TACR2: variants seen among roughly 807,000 people sequenced by gnomAD.
The protein encoded by TACR2 is tachykinin receptor 2.
In TACR2, 24 loss-of-function variants were observed where a neutral mutation model predicts 28.9. The observed-to-expected ratio is 0.83, with a 90% CI of 0.60 to 1.17. The LOEUF (loss-of-function observed/expected upper bound fraction) is 1.17. Ranked by LOEUF, TACR2 falls within the 50% of genes most tolerant of loss-of-function variation. TACR2 has a pLI of 0.00. For synonymous variants in TACR2, 222 were observed against 212.6 expected, an observed-to-expected ratio of 1.04 and a Z score of -0.38; for missense variants, 487 against 524.4, an observed-to-expected ratio of 0.93 and a Z score of 0.70.
At chr10:69,408,884 A>C in intron 3 of TACR2, 38 bp downstream of exon 3, 3 of 25,192 alleles carry the variant, frequency 1.2e-4, no homozygotes, top group Non-Finnish European at 1.9e-4. Flanking sequence ...CGCCCCCTCC[A>C]GGCCCCGCCC....
chr10:69,412,570 C>T (rs185030334), intron 2 of TACR2, among the ~76,000 whole-genome samples: 1 of 152,276 alleles, frequency 6.6e-6, no homozygotes, highest in East Asian at 1.9e-4. Context: ...ACCAAATTTC[C>T]CCTTTTCTGA....
Position 69,416,211 on chromosome 10 carries a change from G to T in TACR2, c.113C>A (p.Thr38Lys), listed in dbSNP as rs1840617653. The T allele has an allele frequency of 6.2e-7, 1 of 1,614,190 alleles. No individual in the cohort carries two copies. Among genetic ancestry groups the T allele is most frequent in the Non-Finnish European group, 8.5e-7 (1 of 1,180,032 alleles). Residue 38 changes from threonine to lysine, a missense_variant, in exon 1 of 5, where the codon ACA (threonine) becomes AAA (lysine). By Grantham distance (78) the Thr-to-Lys change is moderately conservative. Coordinates refer to ENST00000373306, the MANE Select transcript of TACR2 (RefSeq NM_001057.3). ...CACCAGCACCAGGGCCAGGTAGGCTGTGGCCCACAGTGCCAGTTGCCAGCT... is the reference window on the plus strand; with the variant it reads ...CACCAGCACCAGGGCCAGGTAGGCTTTGGCCCACAGTGCCAGTTGCCAGCT... Reference protein sequence around the residue: ...MPSWQLALWATAYLALVLVAV... With the variant: ...MPSWQLALWAKAYLALVLVAV...
chr10:69,405,936 G>A (rs1308215561), intron 4 of TACR2, among the ~76,000 whole-genome samples: 1 of 152,222 alleles, frequency 6.6e-6, no homozygotes, highest in Non-Finnish European at 1.5e-5. Context: ...TTTACTGTTT[G>A]TTGTATGAAT....
At position 69,404,689 on chromosome 10, in the gene TACR2, A is replaced by G; in HGVS notation, c.*137T>C. On this transcript the variant is annotated 3_prime_UTR_variant, in exon 5 of 5. Transcript: ENST00000373306. ...ACCACACTCTTTCTAACAACTTGTTATTTTGGGAACTAGTCCATTCCCACA... is the reference window on the plus strand; with the variant it reads ...ACCACACTCTTTCTAACAACTTGTTGTTTTGGGAACTAGTCCATTCCCACA... 1 of 480,702 alleles carries G rather than the reference A, an allele frequency of 2.1e-6. No individual in the cohort carries two copies. The highest frequency in any genetic ancestry group is 3.9e-5 in the Admixed American group (1 of 25,952). The allele number at this position is 480,702 out of a possible 1,614,324, so 29.8% of individuals were successfully genotyped here. A position where few individuals can be genotyped will look rare whatever the true frequency, so the allele number is the denominator to read the frequency against.
At chr10:69,409,882 C>CATATATATATAT (rs1840548310) in intron 2 of TACR2, among the ~76,000 whole-genome samples, 1 of 113,186 alleles carries the variant, frequency 8.8e-6, no homozygotes, top group Admixed American at 9.7e-5. Flanking sequence ...TATATATATA[C>CATATATATATAT]ATATATACAT....
intron 3 of TACR2, among the ~76,000 whole-genome samples, chr10:69,408,285 C>G (rs189501773): frequency 2.7e-4 from 41 of 152,324 alleles, no homozygotes; most frequent in Admixed American, 2.7e-3. Flanking sequence ...GAGGGCTCTC[C>G]TGTGACTGTC....
chr10:69,409,906 T>TAC (rs1230541320), intron 2 of TACR2, among the ~76,000 whole-genome samples: 7 of 11,620 alleles, frequency 6.0e-4, no homozygotes, highest in East Asian at 1.2e-3. Flanking sequence ...TATATATACA[T>TAC]ATATATATAT....
chr10:69,405,613 G>A (rs1840495173), intron 4 of TACR2, among the ~76,000 whole-genome samples: 2 of 152,224 alleles, frequency 1.3e-5, no homozygotes, highest in Non-Finnish European at 2.9e-5. Flanking sequence ...GCACTGAACG[G>A]GAGTTCAGAG....
Position 69,415,116 on chromosome 10 carries a change from A to C in TACR2, c.416T>G (p.Phe139Cys). 6.2e-7 allele frequency: 1 copy of C among 1,612,430 alleles called. No individual in the cohort carries two copies. The highest frequency in any genetic ancestry group is 8.5e-7 in the Non-Finnish European group (1 of 1,179,960). ...ADRYMAIVHPFQPRLSAPSTK... is the reference protein window; with the variant it reads ...ADRYMAIVHPCQPRLSAPSTK... ...GCTGGGAGCTGAAAGCCGAGGCTGG[A>C]AGGGGTGGACGATGGCCATGTACCT... The change falls in exon 2 of 5, where the codon TTC (phenylalanine) becomes TGC (cysteine). Residue 139 changes from phenylalanine (F) to cysteine (C), a missense_variant. Transcript: ENST00000373306.
chr10:69,410,836 G>A (rs1407803776), intron 2 of TACR2, among the ~76,000 whole-genome samples: 2 of 152,196 alleles, frequency 1.3e-5, no homozygotes, highest in Non-Finnish European at 2.9e-5. Context: ...GTTCTGGAGG[G>A]CTGCCTTTGG....
intron 4 of TACR2, among the ~76,000 whole-genome samples, chr10:69,405,770 G>A (rs1247650272): frequency 6.6e-6 from 1 of 152,218 alleles, no homozygotes; most frequent in Admixed American, 6.5e-5. Flanking sequence ...CCCTTGGGTA[G>A]CAGGAGAGTG....
In TACR2 at chr10:69,403,943, AG is replaced by A. The variant is rs894572702; in HGVS notation, c.*882del. ...ATTTATAGCTTCTCTTGAAAGATTT[AG>A]AAGATCTAGCAACAGTGGGCTCCCA... On this transcript the variant is annotated 3_prime_UTR_variant, in exon 5 of 5. Coordinates refer to ENST00000373306, the MANE Select transcript of TACR2 (RefSeq NM_001057.3). 17 of 152,238 alleles carry A rather than the reference AG, an allele frequency of 1.1e-4. No individual in the cohort carries two copies. The highest frequency in any genetic ancestry group is 3.1e-4 in the African/African-American group (13 of 41,460). 9.4% of individuals were successfully genotyped at this position (152,238 alleles called of 1,614,324 possible). A position where few individuals can be genotyped will look rare whatever the true frequency, so the allele number is the denominator to read the frequency against.
Position 69,416,257 on chromosome 10 carries a change from T to C in TACR2, c.67A>G (p.Ile23Val). The C allele has an allele frequency of 6.2e-7, 1 of 1,613,248 alleles. No individual in the cohort carries two copies. Among genetic ancestry groups the C allele is most frequent in the Non-Finnish European group, 8.5e-7 (1 of 1,179,378 alleles). Reference protein sequence around the residue: ...SSGPESNTTGITAFSMPSWQL... With the variant: ...SSGPESNTTGVTAFSMPSWQL... Reference sequence around the variant, plus strand: ...CAGCTGGGCATGGAGAAGGCTGTGATGCCCGTGGTGTTGCTCTCAGGGCCA... The same window carrying C: ...CAGCTGGGCATGGAGAAGGCTGTGACGCCCGTGGTGTTGCTCTCAGGGCCA... Residue 23 changes from isoleucine to valine, a missense_variant, in exon 1 of 5, where the codon ATC becomes GTC. Transcript: ENST00000373306.
At chr10:69,413,358 G>T (rs531815407) in intron 2 of TACR2, among the ~76,000 whole-genome samples, 1 of 152,164 alleles carries the variant, frequency 6.6e-6, no homozygotes, top group Non-Finnish European at 1.5e-5. Context: ...TTTCCCAGTC[G>T]CCTGAATCTG....
Position 69,414,899 on chromosome 10 carries a change from T to TCA in TACR2, c.587+44_587+45dup, listed in dbSNP as rs761782991. On this transcript the variant is annotated intron_variant, in intron 2 of 4. Transcript: ENST00000373306. ...CGTGTGTACACACACACACACAGAC[T>TCA]CACACACACACACTGTTGCCCTCCA... The TCA allele has an allele frequency of 1.6e-5, 25 of 1,538,786 alleles. No individual in the cohort carries two copies. In the Middle Eastern group the frequency reaches 5.2e-4, roughly 32 times the overall value.
At position 69,404,178 on chromosome 10, in the gene TACR2, T is replaced by A. The variant is rs1454838925; in HGVS notation, c.*648A>T. ...GCATTTGAGCTTGCATCTCTTAAATTAGATAAATATCAGCTTACACTGTCT... is the reference window on the plus strand; with the variant it reads ...GCATTTGAGCTTGCATCTCTTAAATAAGATAAATATCAGCTTACACTGTCT... On this transcript the variant is annotated 3_prime_UTR_variant, in exon 5 of 5. Coordinates refer to ENST00000373306, the MANE Select transcript of TACR2 (RefSeq NM_001057.3). The A allele has an allele frequency of 1.3e-5, 2 of 152,228 alleles. No homozygotes were observed. The highest frequency in any genetic ancestry group is 4.8e-5 in the African/African-American group (2 of 41,462). 9.4% of individuals were successfully genotyped at this position (152,228 alleles called of 1,614,324 possible). A position where few individuals can be genotyped will look rare whatever the true frequency, so the allele number is the denominator to read the frequency against.
At chr10:69,405,242 G>A (rs1840491502) in intron 4 of TACR2, among the ~76,000 whole-genome samples, 158 bp from the exon 5 acceptor site, 1 of 152,136 alleles carries the variant, frequency 6.6e-6, no homozygotes, top group African/African-American at 2.4e-5. Context: ...AGATGCCTTC[G>A]TGGGTGAGTT....
rs1840620212 is a variant in TACR2, at chr10:69,416,409, G to A, written c.-86C>T. On this transcript the variant is annotated 5_prime_UTR_variant, in exon 1 of 5. Coordinates refer to ENST00000373306, the MANE Select transcript of TACR2 (RefSeq NM_001057.3). ...AAAGAGAACTCCCCTTCAGAGCATG[G>A]GAATATGGGGGCAGGGAGAGGAGCA... is the stretch of plus-strand genomic sequence containing the variant. 1.3e-6 allele frequency: 2 copies of A among 1,508,646 alleles called. No individual in the cohort carries two copies. Among genetic ancestry groups the A allele is most frequent in the Non-Finnish European group, 1.8e-6 (2 of 1,128,544 alleles). The allele number at this position is 1,508,646 out of a possible 1,614,324, so 93.5% of individuals were successfully genotyped here.
rs917410821 is a variant in TACR2 at position 69,415,197 on chromosome 10, C to A, written c.393-58G>T. On this transcript the variant is annotated intron_variant, in intron 1 of 4. Transcript: ENST00000373306. Reference sequence around the variant, plus strand: ...CCCTCCTGTTAGCCCAGCTCCCTTTCCCCTGTCTCCCTCTCTCCCAACCCA... The same window carrying A: ...CCCTCCTGTTAGCCCAGCTCCCTTTACCCTGTCTCCCTCTCTCCCAACCCA... 26 of 1,540,454 alleles carry A rather than the reference C, an allele frequency of 1.7e-5. No homozygotes were observed. The African/African-American group carries it at 3.1e-4, about 19-fold the overall frequency.
Sources: gnomAD v4.1 joint callset for allele counts (sites outside exome capture counted in the v4.1 genomes callset) on GRCh38, gnomAD v4.1.1 for gene constraint, MANE v1.5 for transcripts, NCBI Gene and HGNC (gene_info 2026-07-23, HGNC 2026-07-21) for gene names.